EML5: variants seen among roughly 807,000 people sequenced by gnomAD.
EML5 encodes the protein echinoderm microtubule-associated protein-like 5.
EML5 carries 120 observed loss-of-function variants against 250.0 expected under a neutral mutation model. The ratio of observed to expected loss-of-function variants is 0.48; its 90% confidence interval spans 0.41 to 0.56. The LOEUF is 0.56. Ranked by LOEUF, EML5 falls within the 20% of genes least tolerant of loss-of-function variation. The probability of loss-of-function intolerance (pLI) is 0.00; values close to 1 mark genes in which losing one functional copy is unlikely to be tolerated. For synonymous variants in EML5, 771 were observed against 806.5 expected (o/e 0.96, Z 0.75); for missense variants, 2,006 against 2,437.6 (o/e 0.82, Z 3.73).
chr14:88,716,513 C>G (rs1273461949), intron 8 of EML5, among the ~76,000 whole-genome samples: 2 of 152,140 alleles, frequency 1.3e-5, no homozygotes, highest in Admixed American at 1.3e-4. Context: ...TAAGAAAAGT[C>G]TAAGGCACTA....
At chr14:88,642,002 T>C (rs77161874) in intron 31 of EML5, among the ~76,000 whole-genome samples, 1,901 of 152,266 alleles carry the variant, frequency 0.012, 32 homozygotes, top group African/African-American at 0.044. Context: ...AATTATTAAA[T>C]AGAAAATTGC....
intron 1 of EML5, among the ~76,000 whole-genome samples, chr14:88,758,602 G>C (rs762814350): frequency 5.3e-5 from 8 of 152,148 alleles, no homozygotes; most frequent in Non-Finnish European, 8.8e-5. Context: ...TAGCCTCTTT[G>C]GAAAACCGCT....
At chr14:88,616,337 G>A in intron 42 of EML5, 95 bp from the exon 43 acceptor site, 1 of 1,233,882 alleles carries the variant, frequency 8.1e-7, no homozygotes, top group Non-Finnish European at 1.2e-6. Context: ...AAGAGCTGTG[G>A]AGAGAGTAGG....
chr14:88,662,320 A>G (rs1423183422), intron 24 of EML5, among the ~76,000 whole-genome samples: 1 of 147,430 alleles, frequency 6.8e-6, no homozygotes, highest in Non-Finnish European at 1.5e-5. Flanking sequence ...CAGGCACAAA[A>G]TGCAACACAA....
chr14:88,618,882 T>G (rs2088275095), intron 39 of EML5, 70 bp from the exon 40 acceptor site: 1 of 1,451,448 alleles, frequency 6.9e-7, no homozygotes, highest in Non-Finnish European at 9.1e-7. Flanking sequence ...ATCAGTGACT[T>G]TTCCTTTCTA....
At chr14:88,784,742 G>C (rs1380093010) in intron 1 of EML5, among the ~76,000 whole-genome samples, 1 of 152,180 alleles carries the variant, frequency 6.6e-6, no homozygotes, top group East Asian at 1.9e-4. Flanking sequence ...AAAGGATGTG[G>C]AGAATGTAAA....
intron 19 of EML5, among the ~76,000 whole-genome samples, chr14:88,685,806 T>C (rs1441782360): frequency 6.6e-6 from 1 of 152,236 alleles, no homozygotes; most frequent in Non-Finnish European, 1.5e-5. Flanking sequence ...GTAAATGCTA[T>C]GTAAATAGCT....
At chr14:88,728,201 T>C (rs886996739) in intron 7 of EML5, among the ~76,000 whole-genome samples, 60 of 31,156 alleles carry the variant, frequency 1.9e-3, no homozygotes, top group Admixed American at 0.01. Context: ...ATGTACAGAC[T>C]TTTTTTTTTT....
At chr14:88,712,909 G>C (rs2093428952) in intron 9 of EML5, among the ~76,000 whole-genome samples, 1 of 152,168 alleles carries the variant, frequency 6.6e-6, no homozygotes, top group Admixed American at 6.6e-5. Context: ...AGACCAAGAA[G>C]AAAGGATGAG....
chr14:88,684,902 A>C (rs1190376019), intron 20 of EML5, 113 bp downstream of exon 20: 1 of 1,011,776 alleles, frequency 9.9e-7, no homozygotes, highest in African/African-American at 1.7e-5. Flanking sequence ...ATACATTAAC[A>C]AATATTTCCC....
chr14:88,660,748 A>AAAAAAAAG lies in EML5; in HGVS notation c.3675+905_3675+906insCTTTTTTT, dbSNP rs1555429435. ...CAGAGTGAGACTCCATCTCAGGGAA[A>AAAAAAAAG]AAAAAAGAAAAAAGAAAAAAAAAAC... On this transcript the variant is annotated intron_variant, in intron 25 of 43. Coordinates refer to ENST00000554922, the MANE Select transcript of EML5 (RefSeq NM_183387.3). 4.6e-3 allele frequency among the ~76,000 whole-genome samples: 671 copies of AAAAAAAAG among 146,458 alleles called. 4 individuals carry two copies. Among genetic ancestry groups the AAAAAAAAG allele is most frequent in the African/African-American group, 0.016 (611 of 38,568 alleles).
chr14:88,711,257 C>T (rs2093401385), intron 10 of EML5, among the ~76,000 whole-genome samples: 2 of 150,752 alleles, frequency 1.3e-5, no homozygotes, highest in South Asian at 4.2e-4. Context: ...AATTGTAATC[C>T]TCATGTGTTG....
chr14:88,736,746 C>T (rs1054294966), intron 6 of EML5, among the ~76,000 whole-genome samples, 181 bp from the exon 7 acceptor site: 1 of 152,172 alleles, frequency 6.6e-6, no homozygotes, highest in Non-Finnish European at 1.5e-5. Context: ...CAACTGAGAA[C>T]GTCTCTTCCC....
intron 8 of EML5, among the ~76,000 whole-genome samples, chr14:88,717,756 A>AAACAAC (rs147401940): frequency 0.065 from 9,793 of 150,878 alleles, 437 homozygotes; most frequent in Non-Finnish European, 0.098. Flanking sequence ...CTCCGTCTCA[A>AAACAAC]AACAACAACA....
chr14:88,616,514 T>TA (rs1169596355), intron 42 of EML5: 7 of 608,944 alleles, frequency 1.1e-5, no homozygotes, highest in Non-Finnish European at 8.5e-6. Context: ...AAAAGCTAAT[T>TA]ACAGCTTTTG....
rs763146194 is a variant in EML5, at chr14:88,706,293, T to C, written c.1791A>G (p.Arg597=). The C allele has an allele frequency of 1.9e-6, 3 of 1,609,402 alleles. No individual in the cohort carries two copies. The African/African-American group carries it at 4.0e-5, about 22-fold the overall frequency. ...SVFQWKFIPE[R]KLKDAVHIAP... The stretch of plus-strand genomic sequence containing the variant: ...CTATGTGAACAGCATCTTTCAGTTT[T>C]CTTTCAGGAATAAATTTCCACTGAA... The change falls in exon 11 of 44, where the codon AGA becomes AGG. Residue 597 remains arginine (R), a synonymous_variant. Transcript: ENST00000554922.
intron 7 of EML5, among the ~76,000 whole-genome samples, chr14:88,730,713 T>C (rs2093742168): frequency 6.6e-6 from 1 of 152,150 alleles, no homozygotes; most frequent in African/African-American, 2.4e-5. Flanking sequence ...ATAGTCTGCA[T>C]GAAACAACTA....
Position 88,658,377 on chromosome 14 carries a change from T to C in EML5, c.3687A>G (p.Gly1229=), listed in dbSNP as rs1019232922. Residue 1229 remains glycine, a synonymous_variant, in exon 26 of 44, where the codon GGA becomes GGG. Coordinates refer to ENST00000554922, the MANE Select transcript of EML5 (RefSeq NM_183387.3). ...TATGGGCCACATACCTCTTAAACTTTCCAAATTTCCCCTAAAGAGGAAGAA... is the reference window on the plus strand; with the variant it reads ...TATGGGCCACATACCTCTTAAACTTCCCAAATTTCCCCTAAAGAGGAAGAA... The part of the protein sequence containing the change: ...LFRYPTKGKF[G]KFKRYVAHST... 6.3e-7 allele frequency: 1 copy of C among 1,593,988 alleles called. No homozygotes were observed. Among genetic ancestry groups the C allele is most frequent in the Admixed American group, 1.7e-5 (1 of 58,134 alleles).
In EML5 at chr14:88,650,215, G is replaced by A. The variant is rs377525336; in HGVS notation, c.4005-289C>T. Among the ~76,000 whole-genome samples the A allele has an allele frequency of 2.2e-4, 33 of 152,316 alleles. 1 individual carries two copies. The highest frequency in any genetic ancestry group is 7.7e-4 in the African/African-American group (32 of 41,574). Reference sequence around the variant, plus strand: ...TGCCTGTAATCCCAGCACTTCGGGAGGCTGAGGTGGGTGAATCACTTGAGG... The same window carrying A: ...TGCCTGTAATCCCAGCACTTCGGGAAGCTGAGGTGGGTGAATCACTTGAGG... On this transcript the variant is annotated intron_variant, in intron 27 of 43. Transcript: ENST00000554922.
Sources: gnomAD v4.1 joint callset for allele counts (sites outside exome capture counted in the v4.1 genomes callset) on GRCh38, gnomAD v4.1.1 for gene constraint, MANE v1.5 for transcripts, NCBI Gene and HGNC (gene_info 2026-07-23, HGNC 2026-07-21) for gene names.